Variants in PRRX1 observed in about 807,000 individuals in gnomAD.
PRRX1 encodes the protein paired related homeobox 1.
In PRRX1, 8 loss-of-function variants were observed where a neutral mutation model predicts 24.0. The ratio of observed to expected loss-of-function variants is 0.33; its 90% CI spans 0.20 to 0.60. The LOEUF (loss-of-function observed/expected upper bound fraction) is 0.60. Among genes scored for constraint, PRRX1 ranks in the 20% least tolerant of loss-of-function variants. PRRX1 has a pLI of 0.82. For synonymous variants in PRRX1, 160 were observed against 131.7 expected (o/e 1.22, Z -1.47); for missense variants, 281 against 322.4 (o/e 0.87, Z 0.98).
upstream of PRRX1, chr1:170,664,110 C>G: frequency 1.5e-6 from 1 of 664,764 alleles, no homozygotes; most frequent in East Asian, 3.2e-5. Flanking sequence ...TCTCTCTCCA[C>G]TACCCCCCTC....
At chr1:170,716,801 C>G (rs999996411) in intron 1 of PRRX1, among the ~76,000 whole-genome samples, 3 of 152,148 alleles carry the variant, frequency 2.0e-5, no homozygotes, top group African/African-American at 7.2e-5. Flanking sequence ...GCTTTCTCTC[C>G]CCTGTATTCA....
rs1309024586 is a variant in PRRX1 at position 170,664,375 on chromosome 1, G to A, written c.157G>A (p.Ala53Thr). ...EEAGDMVAAQADENVGEAGRS... is the reference protein window; with the variant it reads ...EEAGDMVAAQTDENVGEAGRS... ...AGCCGGGGACATGGTGGCGGCACAG[G>A]CGGATGAGAACGTGGGCGAGGCTGG... The change falls in exon 1 of 4, where the codon GCG (alanine) becomes ACG (threonine). Residue 53 changes from alanine to threonine, a missense_variant. Physicochemically the swap from Ala to Thr is moderately conservative, Grantham distance 58. Transcript: ENST00000239461. The A allele has an allele frequency of 6.2e-7, 1 of 1,613,810 alleles. No individual in the cohort carries two copies. Among genetic ancestry groups the A allele is most frequent in the Non-Finnish European group, 8.5e-7 (1 of 1,179,938 alleles).
At chr1:170,683,297 G>A (rs1022759975) in intron 1 of PRRX1, among the ~76,000 whole-genome samples, 7 of 152,202 alleles carry the variant, frequency 4.6e-5, no homozygotes, top group Admixed American at 6.5e-5. Flanking sequence ...GGTGAGGATA[G>A]AGCAGCAGTG....
intron 1 of PRRX1, among the ~76,000 whole-genome samples, chr1:170,689,950 T>C (rs1171411094): frequency 6.6e-6 from 1 of 151,344 alleles, no homozygotes; most frequent in East Asian, 1.9e-4. Context: ...TTTGTAAAGA[T>C]TTGGTTCCAT....
intron 1 of PRRX1, among the ~76,000 whole-genome samples, chr1:170,712,228 T>A (rs746792505): frequency 1.3e-5 from 2 of 152,146 alleles, no homozygotes; most frequent in Non-Finnish European, 2.9e-5. Context: ...AGAAGGCAAG[T>A]TGGCTTTTTA....
chr1:170,685,053 A>G (rs1028691854), intron 1 of PRRX1, among the ~76,000 whole-genome samples: 1 of 152,176 alleles, frequency 6.6e-6, no homozygotes, highest in Non-Finnish European at 1.5e-5. Context: ...CCAAATTACA[A>G]TTTAGAACCT....
intron 1 of PRRX1, among the ~76,000 whole-genome samples, chr1:170,696,523 C>T (rs12566345): frequency 0.12 from 18,039 of 152,016 alleles, 1,515 homozygotes; most frequent in East Asian, 0.39. Flanking sequence ...ATGATTCTTA[C>T]GAATTCAATT....
intron 1 of PRRX1, among the ~76,000 whole-genome samples, chr1:170,696,925 T>C (rs770012739): frequency 4.6e-5 from 7 of 152,110 alleles, no homozygotes; most frequent in Non-Finnish European, 8.8e-5. Flanking sequence ...CTGGCACATT[T>C]TTTGAACTTA....
chr1:170,666,485 T>G (rs1652938754), intron 1 of PRRX1, among the ~76,000 whole-genome samples: 1 of 151,282 alleles, frequency 6.6e-6, no homozygotes, highest in South Asian at 2.1e-4. Flanking sequence ...TCACCAATTC[T>G]GCACGTCCAG....
rs1009555848 is a variant in PRRX1, at chr1:170,735,921, G to C, written c.600-127G>C. The stretch of plus-strand genomic sequence containing the variant: ...GCTGGGGCTGTAAGGGACCCTAGAG[G>C]TCATCTAGTCCAAGCCATTGCCCCT... On this transcript the variant is annotated intron_variant, in intron 3 of 3. Coordinates refer to ENST00000239461, the MANE Select transcript of PRRX1 (RefSeq NM_022716.4). The C allele has an allele frequency of 9.4e-6, 12 of 1,278,076 alleles. No homozygotes were observed. The East Asian group carries it at 2.8e-4, about 30-fold the overall frequency. The allele number at this position is 1,278,076 out of a possible 1,614,324, so 79.2% of individuals were successfully genotyped here.
intron 1 of PRRX1, among the ~76,000 whole-genome samples, chr1:170,672,973 G>A (rs1331163625): frequency 6.6e-6 from 1 of 152,078 alleles, no homozygotes; most frequent in South Asian, 2.1e-4. Context: ...GGCCACAGAG[G>A]TCTCCTAAAT....
chr1:170,716,093 G>A (rs573950429), intron 1 of PRRX1, among the ~76,000 whole-genome samples: 1 of 152,088 alleles, frequency 6.6e-6, no homozygotes, highest in Non-Finnish European at 1.5e-5. Flanking sequence ...GGTTGAATTC[G>A]ACAATTTCAT....
At position 170,719,647 on chromosome 1, in the gene PRRX1, A is replaced by G. The variant is rs192918725; in HGVS notation, c.242-79A>G. The G allele has an allele frequency of 4.5e-4, 654 of 1,443,982 alleles. 1 individual carries two copies. In the African/African-American group the frequency reaches 7.8e-3, roughly 17 times the overall value. 89.4% of individuals were successfully genotyped at this position (1,443,982 alleles called of 1,614,324 possible). ...TGAGCAAATGAAGCAAGATCTCACT[A>G]TAGATATACCATAAAAAAGTCTTAA... On this transcript the variant is annotated intron_variant, in intron 1 of 3. Coordinates refer to ENST00000239461, the MANE Select transcript of PRRX1 (RefSeq NM_022716.4).
chr1:170,724,224 C>T (rs1400455768), intron 2 of PRRX1, among the ~76,000 whole-genome samples: 2 of 152,146 alleles, frequency 1.3e-5, no homozygotes, highest in Non-Finnish European at 2.9e-5. Flanking sequence ...AAAATCTTCT[C>T]CCATTCTGTG....
chr1:170,692,427 A>G (rs970819302), intron 1 of PRRX1, among the ~76,000 whole-genome samples: 3 of 152,044 alleles, frequency 2.0e-5, no homozygotes, highest in South Asian at 4.1e-4. Context: ...CTCTTGACAT[A>G]TTTTACAATG....
chr1:170,698,423 G>C (rs1025191143), intron 1 of PRRX1, among the ~76,000 whole-genome samples: 3 of 152,038 alleles, frequency 2.0e-5, no homozygotes, highest in African/African-American at 4.8e-5. Context: ...CCTAAAGAAT[G>C]GAATCATTTA....
At chr1:170,683,046 G>T (rs1571319850) in intron 1 of PRRX1, among the ~76,000 whole-genome samples, 2 of 152,344 alleles carry the variant, frequency 1.3e-5, no homozygotes. Context: ...GAGATATGTA[G>T]GGGCTAGGTG....
At chr1:170,726,575 A>C (rs897486692) in intron 3 of PRRX1, 174 bp downstream of exon 3, 27 of 776,000 alleles carry the variant, frequency 3.5e-5, no homozygotes, top group Non-Finnish European at 5.0e-5. Context: ...CTGCCCCAGC[A>C]GCAGGGTTTG....
chr1:170,737,795 TTAATAA>T lies in PRRX1; in HGVS notation c.*1612_*1617del, dbSNP rs924412820. The T allele has an allele frequency of 1.4e-5, 3 of 218,400 alleles. No homozygotes were observed. The highest frequency in any genetic ancestry group is 6.7e-5 in the African/African-American group (3 of 44,450). 13.5% of individuals were successfully genotyped at this position (218,400 alleles called of 1,614,324 possible). On this transcript the variant is annotated 3_prime_UTR_variant, in exon 4 of 4. Transcript: ENST00000239461. ...CAGTTTACCCATTTGTAAAATGGGA[TTAATAA>T]TACTTACCTACCTCACAGGGGTGTT...
Sources: allele counts gnomAD v4.1 joint callset (sites outside exome capture counted in the v4.1 genomes callset), GRCh38; gene constraint gnomAD v4.1.1; transcripts MANE v1.5; gene names NCBI Gene and HGNC (gene_info 2026-07-23, HGNC 2026-07-21).